ZFHX3: variants seen among roughly 807,000 people sequenced by gnomAD.
The protein encoded by ZFHX3 is zinc finger homeobox 3, also known as zinc finger homeobox protein 3.
Under a neutral mutation model 279.1 loss-of-function variants are expected in ZFHX3, and 42 were observed. That is an observed-to-expected ratio of 0.15 (90% confidence interval 0.12 to 0.19). ZFHX3 has a LOEUF of 0.19. Among genes scored for constraint, ZFHX3 ranks in the 10% least tolerant of loss-of-function variants. The pLI is 1.00. For missense variants in ZFHX3, 4,981 were observed against 4,754.0 expected, an observed-to-expected ratio of 1.05 and a Z score of -1.40; for synonymous variants, 2,293 against 1,957.8, an observed-to-expected ratio of 1.17 and a Z score of -4.52.
chr16:73,591,617 C>T (rs1185529090), intron 2 of ZFHX3, among the ~76,000 whole-genome samples: 4 of 137,530 alleles, frequency 2.9e-5, no homozygotes, highest in East Asian at 2.5e-4. Context: ...GGTGTGAACC[C>T]GGCAGGCAGA....
At chr16:73,633,546 T>C (rs1433356944) in intron 2 of ZFHX3, among the ~76,000 whole-genome samples, 1 of 152,206 alleles carries the variant, frequency 6.6e-6, no homozygotes, top group East Asian at 1.9e-4. Context: ...TTTCTTTTGC[T>C]GGGTGGTGGG....
intron 2 of ZFHX3, among the ~76,000 whole-genome samples, chr16:73,522,161 C>A (rs1378438161): frequency 6.6e-6 from 1 of 152,012 alleles, no homozygotes; most frequent in Non-Finnish European, 1.5e-5. Context: ...ATAACAAATA[C>A]CAGATTTTAA....
At chr16:73,584,844 C>T (rs574083955) in intron 2 of ZFHX3, among the ~76,000 whole-genome samples, 7 of 152,214 alleles carry the variant, frequency 4.6e-5, no homozygotes, top group African/African-American at 1.7e-4. Context: ...ATCCATCTGA[C>T]AAAGGGCTAA....
At chr16:73,119,823 C>A (rs954202958) in intron 7 of ZFHX3, among the ~76,000 whole-genome samples, 1 of 152,170 alleles carries the variant, frequency 6.6e-6, no homozygotes, top group East Asian at 1.9e-4. Flanking sequence ...GGACTACAGG[C>A]GTGCAACACC....
At chr16:72,935,663 G>A (rs566914517) in intron 3 of ZFHX3, among the ~76,000 whole-genome samples, 2 of 151,276 alleles carry the variant, frequency 1.3e-5, no homozygotes, top group Middle Eastern at 3.4e-3. Flanking sequence ...GAACTCGGGA[G>A]GGGGGGGTTG....
chr16:73,607,112 T>C lies in ZFHX3; in HGVS notation c.-1547+73068A>G, dbSNP rs560980578. On this transcript the variant is annotated intron_variant, in intron 2 of 17. Coordinates refer to the ZFHX3 transcript ENST00000641206. ...GGCACACTCTTGGCTCACTGCAACCTCCATCTCCTAGGTTCAACTGATTCT... is the reference window on the plus strand; with the variant it reads ...GGCACACTCTTGGCTCACTGCAACCCCCATCTCCTAGGTTCAACTGATTCT... Among the ~76,000 whole-genome samples the C allele has an allele frequency of 1.8e-4, 28 of 152,352 alleles. 1 individual carries two copies. The highest frequency in any genetic ancestry group is 6.3e-4 in the African/African-American group (26 of 41,580).
chr16:73,191,905 T>C (rs1042707023), intron 5 of ZFHX3, among the ~76,000 whole-genome samples: 8 of 152,162 alleles, frequency 5.3e-5, no homozygotes, highest in Non-Finnish European at 1.2e-4. Context: ...TGGACATATG[T>C]TGGGAGCAGA....
At chr16:73,352,140 C>G (rs2016253739) in intron 3 of ZFHX3, among the ~76,000 whole-genome samples, 1 of 152,166 alleles carries the variant, frequency 6.6e-6, no homozygotes, top group Non-Finnish European at 1.5e-5. Context: ...CATACTGGTA[C>G]TATCTTTTAT....
At chr16:73,728,122 T>C (rs1015383784) in intron 1 of ZFHX3, among the ~76,000 whole-genome samples, 2 of 145,878 alleles carry the variant, frequency 1.4e-5, no homozygotes, top group African/African-American at 2.5e-5. Context: ...TTAAGTTAAA[T>C]GAGGTCCTTA....
At chr16:73,593,681 T>A (rs1041247584) in intron 2 of ZFHX3, among the ~76,000 whole-genome samples, 2 of 152,058 alleles carry the variant, frequency 1.3e-5, no homozygotes, top group East Asian at 3.9e-4. Context: ...ATATAAAGAC[T>A]GTGAGCATCT....
chr16:73,517,253 GT>G (rs927952556), intron 2 of ZFHX3, among the ~76,000 whole-genome samples: 2 of 152,164 alleles, frequency 1.3e-5, no homozygotes, highest in African/African-American at 4.8e-5. Context: ...GGCCATCCCT[GT>G]TTGGGGATCT....
chr16:72,866,669 G>T (rs2038031964), intron 4 of ZFHX3, among the ~76,000 whole-genome samples: 2 of 152,174 alleles, frequency 1.3e-5, no homozygotes, highest in African/African-American at 4.8e-5. Flanking sequence ...AAGAGTTGAG[G>T]AGATGGAAAA....
chr16:73,625,915 C>T (rs760583193), intron 2 of ZFHX3, among the ~76,000 whole-genome samples: 1 of 152,154 alleles, frequency 6.6e-6, no homozygotes, highest in South Asian at 2.1e-4. Context: ...TGGAGTTCAG[C>T]GGCACGATCT....
intron 3 of ZFHX3, among the ~76,000 whole-genome samples, chr16:73,325,384 T>C (rs1454232544): frequency 6.6e-6 from 1 of 152,206 alleles, no homozygotes; most frequent in African/African-American, 2.4e-5. Flanking sequence ...GGTAAATAGC[T>C]ATGGCACAAT....
At chr16:72,932,333 T>C (rs74594395) in intron 3 of ZFHX3, among the ~76,000 whole-genome samples, 6,199 of 152,288 alleles carry the variant, frequency 0.041, 299 homozygotes, top group African/African-American at 0.1. Context: ...TCTTAGGTAC[T>C]TCTCAGGGAA....
At position 72,794,489 on chromosome 16, in the gene ZFHX3, C is replaced by A. The variant is rs1265199788; in HGVS notation, c.8193G>T (p.Arg2731=). 7 of 1,614,068 alleles carry A rather than the reference C, an allele frequency of 4.3e-6. No homozygotes were observed. The highest frequency in any genetic ancestry group is 1.7e-5 in the Admixed American group (1 of 60,010). The stretch of plus-strand genomic sequence containing the variant: ...TCTTGGCTTCATGCCAGTGACGGGA[C>A]CGGATATGAGCCTCAAGAGCAGTCT... The part of the protein sequence containing the change: ...KAKTALEAHI[R]SRHWHEAKRA... Residue 2731 remains arginine, a synonymous_variant, in exon 9 of 10, where the codon CGG becomes CGT. Transcript: ENST00000268489. This position sits in a 1 kb window ranked among gnomAD's most constrained non-coding sequence, Gnocchi z 4.2.
At chr16:73,109,628 T>A (rs1428107018) in intron 7 of ZFHX3, among the ~76,000 whole-genome samples, 1 of 152,146 alleles carries the variant, frequency 6.6e-6, no homozygotes, top group East Asian at 1.9e-4. Context: ...GCAGGTGAAT[T>A]GCTTGAGGCC....
chr16:72,868,471 C>T (rs1271945509), intron 4 of ZFHX3, among the ~76,000 whole-genome samples: 1 of 152,214 alleles, frequency 6.6e-6, no homozygotes, highest in African/African-American at 2.4e-5. Flanking sequence ...CTTTCCCTCA[C>T]ATTCTTCCAT....
intron 4 of ZFHX3, among the ~76,000 whole-genome samples, chr16:73,284,316 CAAAAAAAAAAAAA>C (rs71156152): frequency 7.2e-5 from 6 of 83,306 alleles, no homozygotes; most frequent in African/African-American, 2.9e-4. Flanking sequence ...GACTCTGTCT[CAAAAAAAAAAAAA>C]AAAAAAAAAA....
Sources: gnomAD v4.1 joint callset for allele counts (sites outside exome capture counted in the v4.1 genomes callset) on GRCh38, gnomAD v4.1.1 for gene constraint, Gnocchi (gnomAD v3.1) non-coding constraint, MANE v1.5 for transcripts, NCBI Gene and HGNC (gene_info 2026-07-23, HGNC 2026-07-21) for gene names.